SGCZ: variants seen among roughly 807,000 people sequenced by gnomAD.
SGCZ encodes the protein zeta-sarcoglycan.
SGCZ carries 40 observed loss-of-function variants against 41.3 expected under a neutral mutation model. The ratio of observed to expected loss-of-function variants is 0.97; its 90% CI spans 0.75 to 1.26. The LOEUF is 1.26. Among genes scored for constraint, SGCZ ranks in the 50% most tolerant of loss-of-function variants. The probability of loss-of-function intolerance (pLI) is 0.00; values close to 1 mark genes in which losing one functional copy is unlikely to be tolerated. For synonymous variants in SGCZ, 206 were observed against 137.5 expected, an observed-to-expected ratio of 1.50 and a Z score of -3.49; for missense variants, 552 against 369.8, an observed-to-expected ratio of 1.49 and a Z score of -4.04.
intron 1 of SGCZ, among the ~76,000 whole-genome samples, chr8:15,015,117 C>A (rs1479109812): frequency 2.0e-5 from 3 of 152,028 alleles, no homozygotes; most frequent in Non-Finnish European, 4.4e-5. Flanking sequence ...GTGGTGTGCA[C>A]CTATAGTCCC....
chr8:14,920,772 A>T (rs1445109873), intron 1 of SGCZ, among the ~76,000 whole-genome samples: 2 of 152,202 alleles, frequency 1.3e-5, no homozygotes, highest in Non-Finnish European at 2.9e-5. Context: ...ATTTATACCT[A>T]ATTGTATTTG....
chr8:14,929,085 G>A (rs923922408), intron 1 of SGCZ, among the ~76,000 whole-genome samples: 4 of 151,988 alleles, frequency 2.6e-5, no homozygotes, highest in Admixed American at 6.6e-5. Flanking sequence ...TCCACCTCCC[G>A]GGTTCAAGTG....
intron 1 of SGCZ, among the ~76,000 whole-genome samples, chr8:14,626,501 C>A (rs932227818): frequency 6.6e-6 from 1 of 152,080 alleles, no homozygotes; most frequent in African/African-American, 2.4e-5. Context: ...AACCCTAGTT[C>A]TTCAGATTGT....
At chr8:14,265,401 T>C (rs542918685) in intron 3 of SGCZ, among the ~76,000 whole-genome samples, 14 of 152,326 alleles carry the variant, frequency 9.2e-5, no homozygotes, top group African/African-American at 3.1e-4. Flanking sequence ...TTCTTGATCA[T>C]TGAAAATGTC....
chr8:15,187,974 T>A (rs991304594), intron 1 of SGCZ, among the ~76,000 whole-genome samples: 2 of 152,052 alleles, frequency 1.3e-5, no homozygotes, highest in African/African-American at 2.4e-5. Context: ...ATATCCGTAT[T>A]TGTGTATGAT....
intron 2 of SGCZ, among the ~76,000 whole-genome samples, chr8:14,391,527 G>A (rs1313487472): frequency 6.6e-6 from 1 of 152,070 alleles, no homozygotes; most frequent in African/African-American, 2.4e-5. Flanking sequence ...GGAGTACTAT[G>A]TTCAGGGGCA....
chr8:14,880,752 T>C (rs1317791056), intron 1 of SGCZ, among the ~76,000 whole-genome samples: 8 of 151,912 alleles, frequency 5.3e-5, no homozygotes, highest in Admixed American at 1.3e-4. Context: ...GAATTGAACA[T>C]TGAGAACACT....
At chr8:14,699,282 G>T (rs1809062154) in intron 1 of SGCZ, among the ~76,000 whole-genome samples, 1 of 150,578 alleles carries the variant, frequency 6.6e-6, no homozygotes, top group African/African-American at 2.4e-5. Flanking sequence ...ATAGACCAAT[G>T]GAATAGGTCA....
chr8:14,215,333 A>T (rs1289971355), intron 4 of SGCZ, among the ~76,000 whole-genome samples: 1 of 152,160 alleles, frequency 6.6e-6, no homozygotes, highest in African/African-American at 2.4e-5. Context: ...TTAAAAATCT[A>T]AGAAATAAAA....
At chr8:14,626,391 C>G (rs2117384535) in intron 1 of SGCZ, among the ~76,000 whole-genome samples, 1 of 152,142 alleles carries the variant, frequency 6.6e-6, no homozygotes, top group African/African-American at 2.4e-5. Context: ...CACTTTCTCT[C>G]TCCTCCTACT....
At chr8:14,546,874 T>G (rs960176048) in intron 2 of SGCZ, among the ~76,000 whole-genome samples, 5 of 152,156 alleles carry the variant, frequency 3.3e-5, no homozygotes, top group African/African-American at 1.2e-4. Context: ...AACCCATGCT[T>G]TTACTCTTGT....
At chr8:15,121,415 A>G (rs1017175221) in intron 1 of SGCZ, among the ~76,000 whole-genome samples, 1 of 152,190 alleles carries the variant, frequency 6.6e-6, no homozygotes, top group African/African-American at 2.4e-5. Flanking sequence ...CAAAGGCTAC[A>G]AAATGTGTCA....
rs867061076 is a variant in SGCZ, at chr8:14,761,531, A to T, written c.40-206605T>A. On this transcript the variant is annotated intron_variant, in intron 1 of 7. Coordinates refer to ENST00000382080, the MANE Select transcript of SGCZ (RefSeq NM_139167.4). ...ATTATTATTATTATTTTATTTATTT[A>T]TTTATTTATTTTTTTTTTGAGAGGG... Among the ~76,000 whole-genome samples the T allele has an allele frequency of 2.5e-3, 344 of 139,568 alleles. 1 individual carries two copies. The highest frequency in any genetic ancestry group is 0.015 in the Middle Eastern group (4 of 264). The allele number at this position is 139,568 out of a possible 152,430, so 91.6% of individuals were successfully genotyped here.
chr8:14,584,629 A>C (rs1261655896), intron 1 of SGCZ, among the ~76,000 whole-genome samples: 1 of 152,108 alleles, frequency 6.6e-6, no homozygotes, highest in Non-Finnish European at 1.5e-5. Context: ...GTTAAAATAA[A>C]AGAGTTGTGC....
intron 1 of SGCZ, among the ~76,000 whole-genome samples, chr8:15,005,605 G>T (rs1962993): frequency 0.5 from 75,469 of 150,844 alleles, 19,106 homozygotes; most frequent in South Asian, 0.55. Flanking sequence ...GTGCTGGGAT[G>T]ACAGGCATGA....
intron 2 of SGCZ, among the ~76,000 whole-genome samples, chr8:14,443,649 T>C (rs1014483336): frequency 3.9e-5 from 6 of 152,152 alleles, no homozygotes; most frequent in East Asian, 3.9e-4. Flanking sequence ...ACACCTTATA[T>C]AAAAATTAAT....
At chr8:14,263,707 A>G (rs1010468535) in intron 3 of SGCZ, among the ~76,000 whole-genome samples, 2 of 152,232 alleles carry the variant, frequency 1.3e-5, no homozygotes, top group African/African-American at 4.8e-5. Flanking sequence ...AGGTACCCTC[A>G]CAAGAGCTTA....
chr8:15,073,791 T>C (rs904461970), intron 1 of SGCZ, among the ~76,000 whole-genome samples: 2 of 152,142 alleles, frequency 1.3e-5, no homozygotes, highest in Non-Finnish European at 2.9e-5. Context: ...TTCTTTAAAA[T>C]ACACCTGTCT....
At chr8:14,886,679 G>A (rs1198718421) in intron 1 of SGCZ, among the ~76,000 whole-genome samples, 1 of 152,182 alleles carries the variant, frequency 6.6e-6, no homozygotes, top group Non-Finnish European at 1.5e-5. Flanking sequence ...TATCCCAGGA[G>A]GGAAGATTTT....
Sources: gnomAD v4.1 joint callset for allele counts (sites outside exome capture counted in the v4.1 genomes callset) on GRCh38, gnomAD v4.1.1 for gene constraint, MANE v1.5 for transcripts, NCBI Gene and HGNC (gene_info 2026-07-23, HGNC 2026-07-21) for gene names.